Variants in FGF1 observed in about 807,000 individuals in gnomAD.
FGF1 encodes fibroblast growth factor 1.
A neutral mutation model predicts 13.4 loss-of-function variants in FGF1; 9 were observed. The observed-to-expected ratio is 0.67, with a 90% CI of 0.40 to 1.17. The LOEUF (loss-of-function observed/expected upper bound fraction) is 1.17. FGF1 is among the 50% of genes most tolerant of loss of function. The pLI is 0.01. For missense variants in FGF1, 156 were observed against 192.7 expected, an observed-to-expected ratio of 0.81 and a Z score of 1.13; for synonymous variants, 93 against 79.0, an observed-to-expected ratio of 1.18 and a Z score of -0.94.
chr5:142,660,535 G>A (rs901883373), intron 1 of FGF1, among the ~76,000 whole-genome samples: 4 of 152,284 alleles, frequency 2.6e-5, no homozygotes, highest in Middle Eastern at 6.8e-3. Flanking sequence ...TCTGGCTCTC[G>A]TCTCAGCATC....
intron 1 of FGF1, among the ~76,000 whole-genome samples, chr5:142,674,259 A>T (rs897842979): frequency 6.6e-6 from 1 of 152,068 alleles, no homozygotes; most frequent in African/African-American, 2.4e-5. Context: ...TTCGTGTGTT[A>T]TGCTCTATCT....
At chr5:142,601,629 G>A (rs577157633) in intron 2 of FGF1, among the ~76,000 whole-genome samples, 4 of 152,230 alleles carry the variant, frequency 2.6e-5, no homozygotes, top group African/African-American at 9.6e-5. Context: ...GGGGGCGGGT[G>A]CTACTGGCAT....
chr5:142,606,242 G>GTGTGTGTGTA (rs144232060), intron 2 of FGF1, among the ~76,000 whole-genome samples: 9 of 148,024 alleles, frequency 6.1e-5, no homozygotes, highest in East Asian at 5.9e-4. Context: ...GTGTGTGTGT[G>GTGTGTGTGTA]TGTATGTAGT....
At chr5:142,645,696 C>T (rs572777215) in intron 1 of FGF1, among the ~76,000 whole-genome samples, 2 of 152,264 alleles carry the variant, frequency 1.3e-5, no homozygotes, top group South Asian at 4.1e-4. Context: ...CAGAGTTGTT[C>T]TTTTACCACC....
intron 1 of FGF1, among the ~76,000 whole-genome samples, chr5:142,648,808 A>C (rs984289625): frequency 2.0e-5 from 3 of 151,128 alleles, no homozygotes; most frequent in African/African-American, 7.3e-5. Context: ...AGGGAAAGGG[A>C]CTGAACGGTT....
Position 142,641,619 on chromosome 5 carries a change from A to G in FGF1, c.-34-27458T>C, listed in dbSNP as rs1439618162. On this transcript the variant is annotated intron_variant, in intron 1 of 3. Transcript: ENST00000337706. The stretch of plus-strand genomic sequence containing the variant: ...GTAAAAACATATTGTAATGAATTGA[A>G]TCTAATTTATTTGTACTATATTATT... 1.3e-5 allele frequency among the ~76,000 whole-genome samples: 2 copies of G among 152,058 alleles called. 1 individual carries two copies. The highest frequency in any genetic ancestry group is 4.8e-5 in the African/African-American group (2 of 41,294).
chr5:142,598,158 C>T (rs1279799781), intron 3 of FGF1, among the ~76,000 whole-genome samples: 6 of 152,292 alleles, frequency 3.9e-5, no homozygotes, highest in African/African-American at 1.4e-4. Flanking sequence ...GTGGGTTGCC[C>T]ACTCCCTTGT....
At chr5:142,688,627 T>C (rs1428154925), upstream of FGF1, among the ~76,000 whole-genome samples, 1 of 152,208 alleles carries the variant, frequency 6.6e-6, no homozygotes, top group Non-Finnish European at 1.5e-5. Flanking sequence ...TCTGCCCTGA[T>C]AAAACCTTGT....
At chr5:142,664,716 G>A (rs2152009199) in intron 1 of FGF1, among the ~76,000 whole-genome samples, 1 of 152,314 alleles carries the variant, frequency 6.6e-6, no homozygotes, top group East Asian at 1.9e-4. Context: ...TCGATGTCCA[G>A]GGATTTCCTC....
At chr5:142,620,541 T>C (rs1761360677) in intron 1 of FGF1, among the ~76,000 whole-genome samples, 1 of 152,140 alleles carries the variant, frequency 6.6e-6, no homozygotes, top group Non-Finnish European at 1.5e-5. Context: ...AACAGAAAGA[T>C]ATACAAATTC....
intron 1 of FGF1, among the ~76,000 whole-genome samples, chr5:142,664,433 CTG>C (rs576705714): frequency 1.3e-5 from 2 of 152,214 alleles, no homozygotes; most frequent in African/African-American, 2.4e-5. Context: ...TACAAAAGGG[CTG>C]TCTTTGGGAC....
At chr5:142,636,828 G>C (rs537253050) in intron 1 of FGF1, among the ~76,000 whole-genome samples, 1 of 152,182 alleles carries the variant, frequency 6.6e-6, no homozygotes, top group East Asian at 1.9e-4. Context: ...TGGATGAGGG[G>C]AGAAGGCTGT....
chr5:142,624,334 T>G (rs1327872220), intron 1 of FGF1, among the ~76,000 whole-genome samples: 1 of 152,244 alleles, frequency 6.6e-6, no homozygotes, highest in Non-Finnish European at 1.5e-5. Flanking sequence ...CACAAAGTGC[T>G]GGGATTACAG....
chr5:142,640,049 A>G (rs1285314397), intron 1 of FGF1, among the ~76,000 whole-genome samples: 1 of 151,988 alleles, frequency 6.6e-6, no homozygotes, highest in East Asian at 1.9e-4. Flanking sequence ...ACTGAACCCA[A>G]GTATGAGTAT....
chr5:142,647,561 G>T (rs1044843833), intron 1 of FGF1, among the ~76,000 whole-genome samples: 2 of 152,148 alleles, frequency 1.3e-5, no homozygotes, highest in African/African-American at 4.8e-5. Context: ...GCCTAAGATG[G>T]TAGACCACTC....
At chr5:142,630,600 C>T (rs1015601266) in intron 1 of FGF1, among the ~76,000 whole-genome samples, 11 of 152,316 alleles carry the variant, frequency 7.2e-5, no homozygotes, top group Middle Eastern at 3.4e-3. Context: ...GCCTCACCTA[C>T]GGCTCCTCCC....
At chr5:142,620,581 T>G (rs1483198337) in intron 1 of FGF1, among the ~76,000 whole-genome samples, 3 of 152,236 alleles carry the variant, frequency 2.0e-5, no homozygotes, top group Non-Finnish European at 2.9e-5. Flanking sequence ...TGACATAGCC[T>G]CAAAATACAT....
rs529596789 is a variant in FGF1 at position 142,609,397 on chromosome 5, A to G, written c.169+4562T>C. 2.9e-3 allele frequency among the ~76,000 whole-genome samples: 440 copies of G among 152,242 alleles called. 1 individual carries two copies. The highest frequency in any genetic ancestry group is 4.6e-3 in the Admixed American group (71 of 15,292). ...ATGCTTGTGAGGAAATTATTCTCTA[A>G]TTATTGTTGCAGTTATTAATCCCAT... On this transcript the variant is annotated intron_variant, in intron 2 of 3. Transcript: ENST00000337706.
At chr5:142,620,865 A>G (rs945733350) in intron 1 of FGF1, among the ~76,000 whole-genome samples, 19 of 152,354 alleles carry the variant, frequency 1.2e-4, no homozygotes, top group African/African-American at 4.6e-4. Context: ...CAACCCAAAT[A>G]GAAAAATTTG....
Sources: allele counts gnomAD v4.1 joint callset (sites outside exome capture counted in the v4.1 genomes callset), GRCh38; gene constraint gnomAD v4.1.1; transcripts MANE v1.5; gene names NCBI Gene and HGNC (gene_info 2026-07-23, HGNC 2026-07-21).